The following ARHGAP24 variants were observed in gnomAD, a reference collection of about 807,000 sequenced individuals.
ARHGAP24 encodes rho GTPase-activating protein 24.
ARHGAP24 carries 50 observed loss-of-function variants against 76.4 expected under a neutral mutation model. The observed-to-expected ratio is 0.65, with a 90% CI of 0.52 to 0.83. The LOEUF is 0.83. ARHGAP24 is among the 40% of genes least tolerant of loss of function. The pLI, the probability that ARHGAP24 is intolerant of heterozygous loss-of-function variation, is 0.00. For missense variants in ARHGAP24, 930 were observed against 914.2 expected, an observed-to-expected ratio of 1.02 and a Z score of -0.22; for synonymous variants, 345 against 323.3, an observed-to-expected ratio of 1.07 and a Z score of -0.72.
At chr4:85,903,737 T>G (rs535484746) in intron 3 of ARHGAP24, among the ~76,000 whole-genome samples, 3 of 152,138 alleles carry the variant, frequency 2.0e-5, no homozygotes, top group Non-Finnish European at 2.9e-5. Flanking sequence ...ACACCCCAAT[T>G]GTTTAAAATC....
intron 3 of ARHGAP24, among the ~76,000 whole-genome samples, chr4:85,831,062 C>T (rs1223863679): frequency 6.6e-6 from 1 of 152,200 alleles, no homozygotes; most frequent in Non-Finnish European, 1.5e-5. Context: ...ATATCAAATA[C>T]ATATATAATT....
At position 85,995,654 on chromosome 4, in the gene ARHGAP24, A is replaced by G; in HGVS notation, c.2000A>G (p.Lys667Arg). ...KQKIEYESRI[K>R]SLEQRNLTLE... ...AAGATAGAGTATGAGTCCAGGATAA[A>G]GAGGTAAGGAAAATCTGGAGGTCGT... The change falls in exon 9 of 10, where the codon AAG (lysine) becomes AGG (arginine). Residue 667 changes from lysine (K) to arginine (R), a missense_variant. Transcript: ENST00000395184. The G allele has an allele frequency of 1.2e-6, 2 of 1,613,898 alleles. No individual in the cohort carries two copies. The highest frequency in any genetic ancestry group is 1.7e-6 in the Non-Finnish European group (2 of 1,179,924).
intron 3 of ARHGAP24, among the ~76,000 whole-genome samples, chr4:85,877,280 G>A (rs909098107): frequency 1.3e-5 from 2 of 152,140 alleles, no homozygotes; most frequent in South Asian, 4.2e-4. Context: ...AATGAATAAT[G>A]GGTAGAGTTA....
chr4:85,782,757 A>T (rs369686301), intron 3 of ARHGAP24, among the ~76,000 whole-genome samples: 1 of 152,212 alleles, frequency 6.6e-6, no homozygotes, highest in Non-Finnish European at 1.5e-5. Context: ...TGACTCAAGT[A>T]TGTTCCTACA....
intron 2 of ARHGAP24, chr4:85,686,796 T>A (rs918064536): frequency 3.6e-5 from 5 of 138,288 alleles, no homozygotes; most frequent in African/African-American, 1.3e-4. Context: ...AAAATACTTT[T>A]AAAAAATCAT....
At chr4:85,772,498 A>G (rs957439386) in intron 3 of ARHGAP24, among the ~76,000 whole-genome samples, 1 of 152,122 alleles carries the variant, frequency 6.6e-6, no homozygotes, top group African/African-American at 2.4e-5. Flanking sequence ...TCCTAGATTC[A>G]TTGAAACTGA....
At chr4:85,662,993 T>C (rs1461933653) in intron 2 of ARHGAP24, among the ~76,000 whole-genome samples, 4,075 of 151,516 alleles carry the variant, frequency 0.027, 169 homozygotes, top group African/African-American at 0.093. Flanking sequence ...ATTGACTTGG[T>C]GATGCGGGCT....
chr4:85,913,166 A>G (rs879710003), intron 3 of ARHGAP24, among the ~76,000 whole-genome samples: 5 of 151,948 alleles, frequency 3.3e-5, no homozygotes, highest in African/African-American at 9.7e-5. Context: ...CTACTCCTTA[A>G]TACATTAAAA....
chr4:85,690,733 A>G lies in ARHGAP24; in HGVS notation c.181-31152A>G, dbSNP rs1459494470. Reference sequence around the variant, plus strand: ...TCCCCCTTTTTTTTTTTTGCTCTTAATCTAGCCAGTGATCTGTCAATCTTG... The same window carrying G: ...TCCCCCTTTTTTTTTTTTGCTCTTAGTCTAGCCAGTGATCTGTCAATCTTG... On this transcript the variant is annotated intron_variant, in intron 2 of 9. Transcript: ENST00000395184. Among the ~76,000 whole-genome samples, 12 of 140,234 alleles carry G rather than the reference A, an allele frequency of 8.6e-5. No individual in the cohort carries two copies. In the South Asian group the frequency reaches 1.8e-3, roughly 21 times the overall value. The allele number at this position is 140,234 out of a possible 152,430, so 92.0% of individuals were successfully genotyped here.
rs570652615 is a variant in ARHGAP24 at position 85,733,969 on chromosome 4, G to C, written c.268+11997G>C. Reference sequence around the variant, plus strand: ...ATGAGACTTAACTGTTCTTCTAAAGGCTTCTCTATTTTAGGGGACAAACTT... The same window carrying C: ...ATGAGACTTAACTGTTCTTCTAAAGCCTTCTCTATTTTAGGGGACAAACTT... On this transcript the variant is annotated intron_variant, in intron 3 of 9. Coordinates refer to ENST00000395184, the MANE Select transcript of ARHGAP24 (RefSeq NM_001025616.3). 2.1e-4 allele frequency among the ~76,000 whole-genome samples: 32 copies of C among 152,224 alleles called. No individual in the cohort carries two copies. The South Asian group carries it at 6.2e-3, about 30-fold the overall frequency.
intron 3 of ARHGAP24, among the ~76,000 whole-genome samples, chr4:85,829,152 T>A (rs1729864785): frequency 6.6e-6 from 1 of 152,124 alleles, no homozygotes; most frequent in Non-Finnish European, 1.5e-5. Flanking sequence ...CTTGTCAGTT[T>A]TAATTAATTT....
In ARHGAP24 at chr4:85,856,146, T is replaced by C. The variant is rs149536038; in HGVS notation, c.269-67502T>C. 8.5e-5 allele frequency among the ~76,000 whole-genome samples: 13 copies of C among 152,306 alleles called. No homozygotes were observed. In the East Asian group the frequency reaches 2.5e-3, roughly 29 times the overall value. ...ATATTATCAACCTTTCTTTTAATTT[T>C]AGGTGTTCTAATGGGTGCATGGTGC... On this transcript the variant is annotated intron_variant, in intron 3 of 9. Coordinates refer to ENST00000395184, the MANE Select transcript of ARHGAP24 (RefSeq NM_001025616.3).
chr4:85,965,753 G>A (rs1738559510), intron 5 of ARHGAP24, among the ~76,000 whole-genome samples: 1 of 152,142 alleles, frequency 6.6e-6, no homozygotes, highest in Non-Finnish European at 1.5e-5. Context: ...AAGTTTTCAG[G>A]TAATTCCAGT....
intron 1 of ARHGAP24, among the ~76,000 whole-genome samples, chr4:85,526,101 A>G (rs749744299): frequency 4.6e-5 from 7 of 152,144 alleles, no homozygotes; most frequent in Non-Finnish European, 1.0e-4. Flanking sequence ...TGGACAGAGC[A>G]TGAAATATGT....
intron 8 of ARHGAP24, among the ~76,000 whole-genome samples, chr4:85,989,759 C>T (rs986076689): frequency 7.9e-5 from 12 of 151,566 alleles, no homozygotes; most frequent in African/African-American, 2.7e-4. Context: ...TGTATTAATA[C>T]ACCACTTTAA....
At chr4:85,908,121 C>A (rs1286568654) in intron 3 of ARHGAP24, among the ~76,000 whole-genome samples, 2 of 152,174 alleles carry the variant, frequency 1.3e-5, no homozygotes, top group Non-Finnish European at 2.9e-5. Context: ...CCCATCTACA[C>A]CACCATCTCA....
intron 4 of ARHGAP24, among the ~76,000 whole-genome samples, chr4:85,932,805 A>G (rs1028363657): frequency 6.6e-6 from 1 of 152,180 alleles, no homozygotes; most frequent in East Asian, 1.9e-4. Context: ...CTTCCTTTCC[A>G]TTCTCTGGAG....
At chr4:85,908,225 T>C (rs1734875537) in intron 3 of ARHGAP24, among the ~76,000 whole-genome samples, 2 of 152,212 alleles carry the variant, frequency 1.3e-5, no homozygotes, top group African/African-American at 4.8e-5. Flanking sequence ...TTCTATTTTC[T>C]TAACAGATGA....
At chr4:85,904,263 G>A (rs1013414916) in intron 3 of ARHGAP24, among the ~76,000 whole-genome samples, 1 of 152,186 alleles carries the variant, frequency 6.6e-6, no homozygotes, top group African/African-American at 2.4e-5. Flanking sequence ...AGTGAACCAG[G>A]AGCAGGCAGT....
Sources: allele counts gnomAD v4.1 joint callset (sites outside exome capture counted in the v4.1 genomes callset), GRCh38; gene constraint gnomAD v4.1.1; transcripts MANE v1.5; gene names NCBI Gene and HGNC (gene_info 2026-07-23, HGNC 2026-07-21).